Variants in DHRS4 observed in about 807,000 individuals in gnomAD.
The protein encoded by DHRS4 is dehydrogenase/reductase SDR family member 4.
In DHRS4, 20 loss-of-function variants were observed where a neutral mutation model predicts 28.4. That is an observed-to-expected ratio of 0.71 (90% CI 0.50 to 1.02). The LOEUF (loss-of-function observed/expected upper bound fraction) is 1.02. Ranked by LOEUF, DHRS4 falls within the 50% of genes least tolerant of loss-of-function variation. The probability of loss-of-function intolerance (pLI) is 0.00; values close to 1 mark genes in which losing one functional copy is unlikely to be tolerated. For missense variants in DHRS4, 378 were observed against 367.2 expected (o/e 1.03, Z -0.24); for synonymous variants, 144 against 146.4 (o/e 0.98, Z 0.12).
chr14:23,957,168 G>C (rs2033210071), intron 2 of DHRS4, among the ~76,000 whole-genome samples: 1 of 152,166 alleles, frequency 6.6e-6, no homozygotes, highest in Non-Finnish European at 1.5e-5. Flanking sequence ...GAGACATTCA[G>C]TGGAAACGAA....
chr14:23,966,360 G>C lies in DHRS4; in HGVS notation c.609G>C (p.Arg203Ser), dbSNP rs781224348. 1.9e-6 allele frequency: 3 copies of C among 1,614,048 alleles called. No individual in the cohort carries two copies. In the South Asian group the frequency reaches 3.3e-5, roughly 18 times the overall value. ...TKTLAIELAP[R>S]NIRVNCLAPG... ...CCCTGGCCATAGAGCTGGCCCCAAGGAACATTAGGGTGAACTGCCTAGCAC... is the reference window on the plus strand; with the variant it reads ...CCCTGGCCATAGAGCTGGCCCCAAGCAACATTAGGGTGAACTGCCTAGCAC... The change falls in exon 6 of 8, where the codon AGG becomes AGC. Residue 203 changes from arginine (R) to serine (S), a missense_variant. Transcript: ENST00000313250.
At chr14:23,956,792 C>T (rs983022614) in intron 2 of DHRS4, among the ~76,000 whole-genome samples, 3 of 152,096 alleles carry the variant, frequency 2.0e-5, no homozygotes, top group East Asian at 3.9e-4. Flanking sequence ...TTGGTAGAGA[C>T]AGGGTTTCAC....
At chr14:23,966,527 T>C in intron 6 of DHRS4, 110 bp downstream of exon 6, 3 of 1,521,860 alleles carry the variant, frequency 2.0e-6, no homozygotes, top group East Asian at 4.5e-5. Flanking sequence ...TCCATTCTCC[T>C]TCCCTGGACT....
At chr14:23,956,747 G>C (rs1171820757) in intron 2 of DHRS4, among the ~76,000 whole-genome samples, 1 of 152,012 alleles carries the variant, frequency 6.6e-6, no homozygotes, top group Non-Finnish European at 1.5e-5. Context: ...AGGATTACAG[G>C]CATCCACCAC....
At chr14:23,968,379 A>C (rs2033710746) in intron 7 of DHRS4, among the ~76,000 whole-genome samples, 1 of 150,602 alleles carries the variant, frequency 6.6e-6, no homozygotes, top group Non-Finnish European at 1.5e-5. Context: ...TTTTAAACAC[A>C]CCATTTACTG....
At chr14:23,959,553 G>A (rs7154783) in intron 2 of DHRS4, among the ~76,000 whole-genome samples, 30,739 of 148,872 alleles carry the variant, frequency 0.21, 7,578 homozygotes, top group African/African-American at 0.59. Context: ...GCAAGACTCC[G>A]TCTAAAAAAG....
At position 23,969,022 on chromosome 14, in the gene DHRS4, G is replaced by T. The variant is rs1008922113; in HGVS notation, c.*151G>T. 8.3e-6 allele frequency: 11 copies of T among 1,332,886 alleles called. No homozygotes were observed. The highest frequency in any genetic ancestry group is 1.1e-5 in the Non-Finnish European group (11 of 1,002,342). 82.6% of individuals were successfully genotyped at this position (1,332,886 alleles called of 1,614,324 possible). On this transcript the variant is annotated 3_prime_UTR_variant, in exon 8 of 8. Transcript: ENST00000313250. ...GTGAAAAGATCCAGCCTTCCCTGCCGTCAAGGTGGCGTCTTACTCGGGATT... is the reference window on the plus strand; with the variant it reads ...GTGAAAAGATCCAGCCTTCCCTGCCTTCAAGGTGGCGTCTTACTCGGGATT...
At chr14:23,960,965 G>C (rs1337721432) in intron 3 of DHRS4, among the ~76,000 whole-genome samples, 3 of 151,888 alleles carry the variant, frequency 2.0e-5, no homozygotes, top group Non-Finnish European at 4.4e-5. Context: ...GGAAGCAAGA[G>C]AGAGATACCA....
intron 3 of DHRS4, among the ~76,000 whole-genome samples, chr14:23,964,122 T>C (rs2033518871): frequency 6.8e-6 from 1 of 146,406 alleles, no homozygotes. Context: ...TCTGAAATAT[T>C]CCAAGAATTA....
rs998604385 is a variant in DHRS4, at chr14:23,964,095, C to T, written c.409-1667C>T. On this transcript the variant is annotated intron_variant, in intron 3 of 7. Coordinates refer to ENST00000313250, the MANE Select transcript of DHRS4 (RefSeq NM_021004.4). ...TCATCACAGATCACCGTAACAGATACAATAATAATGGAAAGGTCTGAAATA... is the reference window on the plus strand; with the variant it reads ...TCATCACAGATCACCGTAACAGATATAATAATAATGGAAAGGTCTGAAATA... Among the ~76,000 whole-genome samples, 151 of 147,104 alleles carry T rather than the reference C, an allele frequency of 1.0e-3. 1 individual carries two copies. Among genetic ancestry groups the T allele is most frequent in the African/African-American group, 1.7e-3 (64 of 37,760 alleles).
At position 23,966,382 on chromosome 14, in the gene DHRS4, G is replaced by C; in HGVS notation, c.631G>C (p.Ala211Pro). Residue 211 changes from alanine to proline, a missense_variant, in exon 6 of 8, where the codon GCA becomes CCA. By Grantham distance (27) the Ala-to-Pro change is conservative. Transcript: ENST00000313250. ...AAGGAACATTAGGGTGAACTGCCTA[G>C]CACCTGGACTTATCAAGACTAGCTT... ...APRNIRVNCL[A>P]PGLIKTSFSR... The C allele has an allele frequency of 2.5e-6, 4 of 1,611,966 alleles. No homozygotes were observed. The highest frequency in any genetic ancestry group is 3.4e-6 in the Non-Finnish European group (4 of 1,179,686).
In DHRS4 at chr14:23,965,997, T is replaced by A. The variant is rs935352044; in HGVS notation, c.531+14T>A. ...AGTCCATCTCCTGTAAGAACCCTTT[T>A]GTCTACCTCTTCCATCCCACCCTCC... is the stretch of plus-strand genomic sequence containing the variant. On this transcript the variant is annotated intron_variant, in intron 5 of 7. Transcript: ENST00000313250. The A allele has an allele frequency of 1.9e-6, 3 of 1,610,218 alleles. No individual in the cohort carries two copies. In the African/African-American group the frequency reaches 4.0e-5, roughly 22 times the overall value.
At position 23,955,032 on chromosome 14, in the gene DHRS4, C is replaced by T; in HGVS notation, c.129-3C>T. ...AGCAGTCTTTGTCTCTTTCTGCTCA[C>T]AGGATCGGCTTCGCCATCGCCCGGC... On this transcript the variant is annotated splice_polypyrimidine_tract_variant and splice_region_variant and intron_variant, in intron 1 of 7. Transcript: ENST00000313250. 6.2e-7 allele frequency: 1 copy of T among 1,614,156 alleles called. No homozygotes were observed. Among genetic ancestry groups the T allele is most frequent in the Non-Finnish European group, 8.5e-7 (1 of 1,179,984 alleles).
At chr14:23,960,288 G>A (rs1009015614) in intron 3 of DHRS4, among the ~76,000 whole-genome samples, 3 of 151,964 alleles carry the variant, frequency 2.0e-5, no homozygotes, top group Non-Finnish European at 2.9e-5. Flanking sequence ...ATGCTCTTCT[G>A]CCTTGTTGAT....
intron 2 of DHRS4, among the ~76,000 whole-genome samples, chr14:23,958,131 A>T (rs2033250648): frequency 6.6e-6 from 1 of 152,038 alleles, no homozygotes; most frequent in Non-Finnish European, 1.5e-5. Context: ...TTGTGCCAGG[A>T]TACCAAAATT....
At position 23,969,074 on chromosome 14, in the gene DHRS4, A is replaced by T; in HGVS notation, c.*203A>T. On this transcript the variant is annotated 3_prime_UTR_variant, in exon 8 of 8. Transcript: ENST00000313250. ...CTGCTGTTGTTGTGGCCTTGGGTAA[A>T]GGCCTCCCCTGAGAACACAGGACAG... 1 of 992,026 alleles carries T rather than the reference A, an allele frequency of 1.0e-6. No individual in the cohort carries two copies. Among genetic ancestry groups the T allele is most frequent in the Non-Finnish European group, 1.4e-6 (1 of 703,686 alleles). 61.5% of individuals were successfully genotyped at this position (992,026 alleles called of 1,614,324 possible). A position where few individuals can be genotyped will look rare whatever the true frequency, so the allele number is the denominator to read the frequency against.
At chr14:23,956,871 G>A (rs553471298) in intron 2 of DHRS4, among the ~76,000 whole-genome samples, 93 of 152,260 alleles carry the variant, frequency 6.1e-4, no homozygotes, top group African/African-American at 2.1e-3. Context: ...CCAATGTGCT[G>A]GGATTACAGG....
intron 2 of DHRS4, among the ~76,000 whole-genome samples, chr14:23,958,420 C>G (rs180820856): frequency 6.2e-4 from 95 of 152,260 alleles, no homozygotes; most frequent in Admixed American, 1.9e-3. Context: ...TCCGGGCAAA[C>G]GGAAAGTCTG....
chr14:23,957,294 T>A (rs991673619), intron 2 of DHRS4, among the ~76,000 whole-genome samples: 17 of 152,004 alleles, frequency 1.1e-4, no homozygotes, highest in Admixed American at 1.3e-4. Flanking sequence ...TGTCAGCAAT[T>A]TGAAATGTCT....
Sources: gnomAD v4.1 joint callset for allele counts (sites outside exome capture counted in the v4.1 genomes callset) on GRCh38, gnomAD v4.1.1 for gene constraint, MANE v1.5 for transcripts, NCBI Gene and HGNC (gene_info 2026-07-23, HGNC 2026-07-21) for gene names.